The following UTRN variants were observed in gnomAD, a reference collection of about 807,000 sequenced individuals.
UTRN encodes the protein dystrophin-related protein 1.
A neutral mutation model predicts 463.9 loss-of-function variants in UTRN; 283 were observed. That is an observed-to-expected ratio of 0.61 (90% CI 0.55 to 0.67). The LOEUF is 0.67. Ranked by LOEUF, UTRN falls within the 30% of genes least tolerant of loss-of-function variation. UTRN has a pLI of 0.00. For synonymous variants in UTRN, 1,442 were observed against 1,431.5 expected (o/e 1.01, Z -0.17); for missense variants, 3,922 against 4,084.3 (o/e 0.96, Z 1.08).
intron 58 of UTRN, among the ~76,000 whole-genome samples, 200 bp from the exon 59 acceptor site, chr6:144,771,707 G>A (rs767721226): frequency 6.6e-6 from 1 of 152,054 alleles, no homozygotes; most frequent in Non-Finnish European, 1.5e-5. Context: ...ATTACAGGAA[G>A]AGCCACTGCC....
In UTRN at chr6:144,732,259, C is replaced by CATATATAT. The variant is rs1472448349; in HGVS notation, c.7939+1774_7939+1775insTATATATA. 2.5e-3 allele frequency among the ~76,000 whole-genome samples: 238 copies of CATATATAT among 94,538 alleles called. 1 individual carries two copies. Among genetic ancestry groups the CATATATAT allele is most frequent in the East Asian group, 0.01 (23 of 2,292 alleles). 62.0% of individuals were successfully genotyped at this position (94,538 alleles called of 152,430 possible). ...ATATACATATATATATATATATATA[C>CATATATAT]ACACATATATATATATATACACACA... is the stretch of plus-strand genomic sequence containing the variant. On this transcript the variant is annotated intron_variant, in intron 54 of 74. Coordinates refer to ENST00000367545, the MANE Select transcript of UTRN (RefSeq NM_007124.3).
At chr6:144,324,011 C>T (rs1775825611) in intron 2 of UTRN, among the ~76,000 whole-genome samples, 1 of 152,138 alleles carries the variant, frequency 6.6e-6, no homozygotes, top group African/African-American at 2.4e-5. Flanking sequence ...CATTTGTTTT[C>T]CTTTCAGCCA....
intron 43 of UTRN, among the ~76,000 whole-genome samples, chr6:144,535,688 A>G (rs996584873): frequency 1.3e-5 from 2 of 152,212 alleles, no homozygotes; most frequent in South Asian, 2.1e-4. Context: ...TATGTTGTTA[A>G]CAAAGTAATT....
intron 64 of UTRN, among the ~76,000 whole-genome samples, chr6:144,798,683 A>G (rs908942501): frequency 6.6e-6 from 1 of 152,182 alleles, no homozygotes; most frequent in African/African-American, 2.4e-5. Context: ...TAATTTGGAA[A>G]TCTATTATGA....
intron 3 of UTRN, 39 bp downstream of exon 3, chr6:144,403,223 C>T (rs73780556): frequency 2.5e-6 from 4 of 1,579,374 alleles, no homozygotes; most frequent in South Asian, 2.2e-5. Flanking sequence ...GTTCAGATGC[C>T]GCATTCTGAT....
chr6:144,649,071 G>A lies in UTRN; in HGVS notation c.7480-29335G>A, dbSNP rs9403572. On this transcript the variant is annotated intron_variant, in intron 51 of 74. Coordinates refer to ENST00000367545, the MANE Select transcript of UTRN (RefSeq NM_007124.3). ...ACAGTACAGCATAATGGAGATGGCC[G>A]ATTTGGATAGGGAATTGTTGAATTA... 0.048 allele frequency among the ~76,000 whole-genome samples: 7,343 copies of A among 152,160 alleles called. 802 individuals carry two copies. The East Asian group carries it at 0.52, about 11-fold the overall frequency.
intron 16 of UTRN, 117 bp downstream of exon 16, chr6:144,447,898 GA>G: frequency 2.0e-6 from 2 of 978,696 alleles, no homozygotes; most frequent in Non-Finnish European, 1.4e-6. Flanking sequence ...TACACCTGAT[GA>G]AAAATTGACA....
rs114976838 is a variant in UTRN, at chr6:144,413,396, T to G, written c.142-8482T>G. Among the ~76,000 whole-genome samples the G allele has an allele frequency of 6.4e-3, 970 of 152,262 alleles. 16 individuals carry two copies. The highest frequency in any genetic ancestry group is 0.021 in the African/African-American group (888 of 41,558). On this transcript the variant is annotated intron_variant, in intron 3 of 74. Coordinates refer to ENST00000367545, the MANE Select transcript of UTRN (RefSeq NM_007124.3). ...GGTTTAATTGACCCACAGTTCCACA[T>G]GGCTGGGAGGCCATGGTGAGAAGCA... is the stretch of plus-strand genomic sequence containing the variant.
Position 144,516,385 on chromosome 6 carries a change from A to G in UTRN, c.5401A>G (p.Lys1801Glu). 6.2e-7 allele frequency: 1 copy of G among 1,612,432 alleles called. No homozygotes were observed. The highest frequency in any genetic ancestry group is 8.5e-7 in the Non-Finnish European group (1 of 1,179,568). ...KHLESSDEDE[K>E]MDEESAQIEE... is the part of the protein sequence containing the mutation. ...CTTGGAATCCAGTGATGAAGATGAA[A>G]AGGTTGGTTCAAGGAGATTTCAAAA... The change falls in exon 38 of 75, where the codon AAG becomes GAG. Residue 1801 changes from lysine (K) to glutamate (E), a missense_variant and splice_region_variant. By Grantham distance (56) the Lys-to-Glu change is moderately conservative. Around this residue, in one of 3 missense-constraint regions of UTRN, gnomAD observed 2,349 missense variants for 2,303.8 expected, o/e 1.02. Coordinates refer to ENST00000367545, the MANE Select transcript of UTRN (RefSeq NM_007124.3).
intron 19 of UTRN, 136 bp from the exon 20 acceptor site, chr6:144,458,634 G>T: frequency 1.0e-6 from 1 of 982,190 alleles, no homozygotes. Context: ...TTTTGTTGTT[G>T]TATTAAAAGG....
At position 144,317,337 on chromosome 6, in the gene UTRN, G is replaced by A. The variant is rs540119589; in HGVS notation, c.79+25430G>A. On this transcript the variant is annotated intron_variant, in intron 2 of 74. Transcript: ENST00000367545. Reference sequence around the variant, plus strand: ...CATTTTAAAAAAAGAGAGATTGCAGGAAGTTCGCCAACGATTTGCCTTAAT... The same window carrying A: ...CATTTTAAAAAAAGAGAGATTGCAGAAAGTTCGCCAACGATTTGCCTTAAT... 2.8e-4 allele frequency among the ~76,000 whole-genome samples: 42 copies of A among 152,234 alleles called. No individual in the cohort carries two copies. The South Asian group carries it at 8.7e-3, about 32-fold the overall frequency.
At chr6:144,758,295 G>T in intron 58 of UTRN, 1 of 180,998 alleles carries the variant, frequency 5.5e-6, no homozygotes, top group Non-Finnish European at 1.0e-5. Context: ...GCAAGATCCA[G>T]TCTCTAAAAA....
chr6:144,358,757 T>C (rs1414772104), intron 2 of UTRN, among the ~76,000 whole-genome samples: 1 of 152,200 alleles, frequency 6.6e-6, no homozygotes, highest in African/African-American at 2.4e-5. Flanking sequence ...TATTCTTATC[T>C]TCATTGTTGA....
At chr6:144,694,228 G>A (rs1783736559) in intron 52 of UTRN, among the ~76,000 whole-genome samples, 1 of 151,728 alleles carries the variant, frequency 6.6e-6, no homozygotes, top group African/African-American at 2.4e-5. Flanking sequence ...TGCATCCTAG[G>A]GATAAAGCCT....
At chr6:144,344,100 A>C (rs555377239) in intron 2 of UTRN, 1 of 1,166,702 alleles carries the variant, frequency 8.6e-7, no homozygotes, top group African/African-American at 1.6e-5. Flanking sequence ...CAAAAAAAAA[A>C]AAAAAAAAAA....
chr6:144,664,825 A>G (rs1291878082), intron 51 of UTRN, among the ~76,000 whole-genome samples: 1 of 151,642 alleles, frequency 6.6e-6, no homozygotes, highest in African/African-American at 2.4e-5. Context: ...TTTACATATG[A>G]CATAACCTTT....
chr6:144,492,434 A>G (rs1010654870), intron 32 of UTRN, among the ~76,000 whole-genome samples: 2 of 152,108 alleles, frequency 1.3e-5, no homozygotes, highest in Non-Finnish European at 2.9e-5. Context: ...ATGGGCACCT[A>G]GATTGATGAC....
chr6:144,297,972 C>T (rs571185338), intron 2 of UTRN, among the ~76,000 whole-genome samples: 4 of 152,266 alleles, frequency 2.6e-5, no homozygotes, highest in African/African-American at 9.6e-5. Flanking sequence ...GAAGTTTGAA[C>T]TAGATGCTGA....
At chr6:144,553,293 C>T (rs576906903) in intron 48 of UTRN, among the ~76,000 whole-genome samples, 121 of 152,282 alleles carry the variant, frequency 7.9e-4, no homozygotes, top group Admixed American at 1.3e-3. Context: ...CTGCCTCGGC[C>T]TCCCAAAGTG....
Sources: gnomAD v4.1 joint callset for allele counts (sites outside exome capture counted in the v4.1 genomes callset) on GRCh38, gnomAD v4.1.1 for gene constraint, gnomAD v4.1.1 regional missense constraint, MANE v1.5 for transcripts, NCBI Gene and HGNC (gene_info 2026-07-23, HGNC 2026-07-21) for gene names.